Variants in CACNA1A observed in about 807,000 individuals in gnomAD.
CACNA1A encodes the protein calcium voltage-gated channel subunit alpha1 A.
A neutral mutation model predicts 262.4 loss-of-function variants in CACNA1A; 57 were observed. The observed-to-expected ratio is 0.22, with a 90% CI of 0.18 to 0.27. The LOEUF is 0.27. CACNA1A is among the 10% of genes least tolerant of loss of function. The probability of loss-of-function intolerance (pLI) is 1.00; values close to 1 mark genes in which losing one functional copy is unlikely to be tolerated. For missense variants in CACNA1A, 2,526 were observed against 3,562.8 expected, an observed-to-expected ratio of 0.71 and a Z score of 7.41; for synonymous variants, 1,431 against 1,419.3, an observed-to-expected ratio of 1.01 and a Z score of -0.18.
At chr19:13,318,890 CTT>C (rs751530649) in intron 10 of CACNA1A, among the ~76,000 whole-genome samples, 32 of 114,570 alleles carry the variant, frequency 2.8e-4, no homozygotes, top group African/African-American at 3.0e-4. Context: ...TAAAATACAT[CTT>C]TTTTTTTTTT....
chr19:13,411,717 C>A (rs4335876), intron 3 of CACNA1A, among the ~76,000 whole-genome samples: 2 of 151,302 alleles, frequency 1.3e-5, no homozygotes, highest in African/African-American at 4.9e-5. Flanking sequence ...TCTCTCTCCC[C>A]ATTCTCCTTT....
chr19:13,378,489 T>C (rs1473343924), intron 3 of CACNA1A, among the ~76,000 whole-genome samples: 1 of 152,034 alleles, frequency 6.6e-6, no homozygotes, highest in African/African-American at 2.4e-5. Context: ...GAAAACTTTC[T>C]TGTCTTATTT....
At chr19:13,261,655 CCCAA>C in intron 25 of CACNA1A, 45 bp from the exon 26 acceptor site, 1 of 1,579,026 alleles carries the variant, frequency 6.3e-7, no homozygotes, top group Middle Eastern at 1.7e-4. Flanking sequence ...TGGGGACCTG[CCCAA>C]CCTTCTGCCT....
At chr19:13,396,530 C>T (rs939242743) in intron 3 of CACNA1A, among the ~76,000 whole-genome samples, 1 of 152,178 alleles carries the variant, frequency 6.6e-6, no homozygotes, top group East Asian at 1.9e-4. Flanking sequence ...CCAAGAGCCA[C>T]GTGTGGCTAA....
At chr19:13,445,960 G>C (rs2060802932) in intron 3 of CACNA1A, among the ~76,000 whole-genome samples, 1 of 152,170 alleles carries the variant, frequency 6.6e-6, no homozygotes, top group South Asian at 2.1e-4. Flanking sequence ...AGGAATCTGA[G>C]AGGGCAACAG....
intron 10 of CACNA1A, among the ~76,000 whole-genome samples, chr19:13,328,479 C>T (rs2058406261): frequency 6.6e-6 from 1 of 152,108 alleles, no homozygotes; most frequent in Admixed American, 6.6e-5. Flanking sequence ...ATTCGATGGC[C>T]TGGGTGGGGA....
At position 13,222,953 on chromosome 19, in the gene CACNA1A, A is replaced by C. The variant is rs550539525; in HGVS notation, c.5731+1714T>G. On this transcript the variant is annotated intron_variant, in intron 38 of 46. Transcript: ENST00000360228. ...CGTGATCCACCCACCTTGGCCTCCC[A>C]AAGTGCTGGGATTACAGGCGTAAGC... Among the ~76,000 whole-genome samples the C allele has an allele frequency of 7.9e-5, 12 of 152,220 alleles. No individual in the cohort carries two copies. In the South Asian group the frequency reaches 2.3e-3, roughly 29 times the overall value.
chr19:13,442,099 C>T (rs2060732589), intron 3 of CACNA1A, among the ~76,000 whole-genome samples: 1 of 152,154 alleles, frequency 6.6e-6, no homozygotes, highest in East Asian at 1.9e-4. Context: ...ACCCGCTAAG[C>T]TTCCAACTTC....
chr19:13,208,787 C>T lies in CACNA1A; in HGVS notation c.6749G>A (p.Ser2250Asn). The T allele has an allele frequency of 3.3e-6, 5 of 1,521,170 alleles. No individual in the cohort carries two copies. Among genetic ancestry groups the T allele is most frequent in the Non-Finnish European group, 3.5e-6 (4 of 1,138,692 alleles). The allele number at this position is 1,521,170 out of a possible 1,614,324, so 94.2% of individuals were successfully genotyped here. Residue 2250 changes from serine (S) to asparagine (N), a missense_variant, in exon 46 of 47, where the codon AGC (serine) becomes AAC (asparagine). By Grantham distance (46) the Ser-to-Asn change is conservative. Around this residue, in one of 17 missense-constraint regions of CACNA1A, gnomAD observed 929 missense variants for 868.1 expected, o/e 1.07. Coordinates refer to ENST00000360228, the MANE Select transcript of CACNA1A (RefSeq NM_001127222.2). Reference sequence around the variant, plus strand: ...GTGCGCCATGTGCTCTCGGCCCTCGCTGGGCGAGCGGGACCAGCGCTGGTC... The same window carrying T: ...GTGCGCCATGTGCTCTCGGCCCTCGTTGGGCGAGCGGGACCAGCGCTGGTC... ...ARDQRWSRSP[S>N]EGREHMAHRQ... is the part of the protein sequence containing the mutation.
At chr19:13,299,439 G>T in intron 18 of CACNA1A, 86 bp from the exon 19 acceptor site, 1 of 1,087,058 alleles carries the variant, frequency 9.2e-7, no homozygotes, top group Non-Finnish European at 1.4e-6. Flanking sequence ...CCACATCTCA[G>T]CCTCCCACTC....
At position 13,294,487 on chromosome 19, in the gene CACNA1A, C is replaced by CTTTTTT. The variant is rs780908964; in HGVS notation, c.3089+4051_3089+4056dup. ...TACAGGTGCATACCACTGTACCTGG[C>CTTTTTT]TTTTTTTTTTTTTTTTTTTTTTTGA... On this transcript the variant is annotated intron_variant, in intron 19 of 46. Transcript: ENST00000360228. Among the ~76,000 whole-genome samples, 269 of 72,524 alleles carry CTTTTTT rather than the reference C, an allele frequency of 3.7e-3. 40 individuals carry two copies. The East Asian group carries it at 0.051, about 14-fold the overall frequency. 47.6% of individuals were successfully genotyped at this position (72,524 alleles called of 152,430 possible). A position where few individuals can be genotyped will look rare whatever the true frequency, so the allele number is the denominator to read the frequency against.
rs144263985 is a variant in CACNA1A, at chr19:13,474,646, G to A, written c.294-19434C>T. On this transcript the variant is annotated intron_variant, in intron 1 of 46. Transcript: ENST00000360228. ...AGCCTGGCCAATATGGTGAAACCCCGTCTCTACTAAAAATACAAAAATTAG... is the reference window on the plus strand; with the variant it reads ...AGCCTGGCCAATATGGTGAAACCCCATCTCTACTAAAAATACAAAAATTAG... Among the ~76,000 whole-genome samples, 401 of 152,156 alleles carry A rather than the reference G, an allele frequency of 2.6e-3. 6 individuals carry two copies. Among genetic ancestry groups the A allele is most frequent in the South Asian group, 7.1e-3 (34 of 4,820 alleles).
intron 34 of CACNA1A, chr19:13,234,704 C>T (rs538968894): frequency 2.9e-5 from 16 of 548,240 alleles, no homozygotes; most frequent in Non-Finnish European, 4.6e-5. Flanking sequence ...GAGGGCACGC[C>T]CCCTATCGGA....
rs757291476 is a variant in CACNA1A, at chr19:13,224,713, G to C, written c.5685C>G (p.Thr1895=). 6.2e-7 allele frequency: 1 copy of C among 1,613,096 alleles called. No homozygotes were observed. The highest frequency in any genetic ancestry group is 1.7e-5 in the Admixed American group (1 of 59,896). Residue 1895 remains threonine, a synonymous_variant, in exon 38 of 47, where the codon ACC becomes ACG. Transcript: ENST00000360228. ...GGGCTGTGCGGATCAGAGCCATGAGGGTGGAATTGAAGTGGACGGTGTTGT... is the reference window on the plus strand; with the variant it reads ...GGGCTGTGCGGATCAGAGCCATGAGCGTGGAATTGAAGTGGACGGTGTTGT... ...ADDNTVHFNS[T]LMALIRTALD...
At chr19:13,220,264 G>GA (rs56246005) in intron 38 of CACNA1A, among the ~76,000 whole-genome samples, 7 of 149,258 alleles carry the variant, frequency 4.7e-5, no homozygotes, top group South Asian at 2.1e-4. Context: ...TCTGTCTCAA[G>GA]AAAAAAAAAA....
chr19:13,338,954 C>G (rs2058625901), intron 6 of CACNA1A, among the ~76,000 whole-genome samples: 1 of 152,114 alleles, frequency 6.6e-6, no homozygotes, highest in Admixed American at 6.5e-5. Flanking sequence ...CAACCTCTGC[C>G]TCCCGGGTTC....
chr19:13,328,675 G>C (rs552853254), intron 10 of CACNA1A, among the ~76,000 whole-genome samples: 1 of 152,134 alleles, frequency 6.6e-6, no homozygotes, highest in East Asian at 1.9e-4. Context: ...AGTGTTCTTC[G>C]TAAGAGAAAT....
chr19:13,302,946 A>G (rs1382665820), intron 17 of CACNA1A, among the ~76,000 whole-genome samples: 1 of 152,178 alleles, frequency 6.6e-6, no homozygotes, highest in Admixed American at 6.5e-5. Flanking sequence ...TGAGAGGAAG[A>G]CCCTGTACCT....
intron 24 of CACNA1A, among the ~76,000 whole-genome samples, chr19:13,269,955 A>G (rs1362811257): frequency 1.3e-5 from 2 of 152,200 alleles, no homozygotes; most frequent in African/African-American, 4.8e-5. Context: ...CAGAATGGCA[A>G]GGTTCCTTTC....
Sources: gnomAD v4.1 joint callset for allele counts (sites outside exome capture counted in the v4.1 genomes callset) on GRCh38, gnomAD v4.1.1 for gene constraint, gnomAD v4.1.1 regional missense constraint, MANE v1.5 for transcripts, NCBI Gene and HGNC (gene_info 2026-07-23, HGNC 2026-07-21) for gene names.